The following ALPL variants were observed in gnomAD, a reference collection of about 807,000 sequenced individuals.
The protein encoded by ALPL is alkaline phosphatase, tissue-nonspecific isozyme.
A neutral mutation model predicts 51.3 loss-of-function variants in ALPL; 42 were observed. The ratio of observed to expected loss-of-function variants is 0.82; its 90% CI spans 0.64 to 1.06. ALPL has a LOEUF of 1.06. Among genes scored for constraint, ALPL ranks in the 50% least tolerant of loss-of-function variants. The pLI is 0.00. For synonymous variants in ALPL, 279 were observed against 296.4 expected, an observed-to-expected ratio of 0.94 and a Z score of 0.60; for missense variants, 589 against 709.4, an observed-to-expected ratio of 0.83 and a Z score of 1.93.
At chr1:21,531,097 G>T (rs1033029625) in intron 1 of ALPL, among the ~76,000 whole-genome samples, 3 of 151,746 alleles carry the variant, frequency 2.0e-5, no homozygotes, top group African/African-American at 7.3e-5. Context: ...GGGATTACAG[G>T]CACCCACCAC....
At chr1:21,534,991 T>G (rs1355385876) in intron 1 of ALPL, among the ~76,000 whole-genome samples, 1 of 152,198 alleles carries the variant, frequency 6.6e-6, no homozygotes, top group East Asian at 1.9e-4. Flanking sequence ...GTTCTATTGC[T>G]TTTACTTACT....
intron 1 of ALPL, among the ~76,000 whole-genome samples, chr1:21,517,493 TG>T: frequency 6.7e-6 from 1 of 148,594 alleles, no homozygotes; most frequent in South Asian, 2.1e-4. Flanking sequence ...GCAAATGACA[TG>T]GGGGTGGGAG....
chr1:21,530,777 ATTTTT>A (rs71016918), intron 1 of ALPL, among the ~76,000 whole-genome samples: 3 of 111,870 alleles, frequency 2.7e-5, no homozygotes, highest in Admixed American at 9.9e-5. Flanking sequence ...CAAGCTTTGA[ATTTTT>A]TTTTTTTTTT....
intron 1 of ALPL, among the ~76,000 whole-genome samples, chr1:21,510,920 A>C (rs1643674017): frequency 6.6e-6 from 1 of 152,222 alleles, no homozygotes; most frequent in Non-Finnish European, 1.5e-5. Context: ...AGGCCCCTGG[A>C]CACAGCTTCT....
intron 1 of ALPL, among the ~76,000 whole-genome samples, chr1:21,529,252 TTC>T (rs1389372426): frequency 6.6e-6 from 1 of 151,832 alleles, no homozygotes; most frequent in Admixed American, 6.6e-5. Context: ...TCTTTCAATG[TTC>T]TGTTTCTTTT....
At chr1:21,538,851 G>A (rs1333695738) in intron 1 of ALPL, among the ~76,000 whole-genome samples, 1 of 152,208 alleles carries the variant, frequency 6.6e-6, no homozygotes, top group African/African-American at 2.4e-5. Context: ...ACCGTGCAAA[G>A]ATCAGAAGAG....
intron 6 of ALPL, among the ~76,000 whole-genome samples, chr1:21,565,926 C>T (rs553269300): frequency 2.6e-5 from 4 of 152,188 alleles, no homozygotes; most frequent in East Asian, 1.9e-4. Flanking sequence ...TTAATGAGCC[C>T]GTGTGAAGTC....
At chr1:21,553,019 C>G (rs1644353139) in intron 1 of ALPL, among the ~76,000 whole-genome samples, 2 of 151,994 alleles carry the variant, frequency 1.3e-5, no homozygotes, top group Admixed American at 1.3e-4. Flanking sequence ...AGTGTAAAAA[C>G]ATTCTTATGC....
chr1:21,550,725 G>A (rs1240236678), intron 1 of ALPL, among the ~76,000 whole-genome samples: 1 of 152,068 alleles, frequency 6.6e-6, no homozygotes, highest in Non-Finnish European at 1.5e-5. Context: ...TGGAGCCTCC[G>A]TTCTGTCTCC....
chr1:21,539,173 G>A (rs1644148594), intron 1 of ALPL, among the ~76,000 whole-genome samples: 2 of 152,118 alleles, frequency 1.3e-5, no homozygotes, highest in Admixed American at 6.6e-5. Flanking sequence ...ACATCCCCAA[G>A]TAAGGCTGAA....
chr1:21,542,409 G>T (rs891741007), intron 1 of ALPL, among the ~76,000 whole-genome samples: 3 of 152,212 alleles, frequency 2.0e-5, no homozygotes, highest in Non-Finnish European at 1.5e-5. Flanking sequence ...GCTGAGAGAT[G>T]CAGGGTCTGC....
intron 2 of ALPL, among the ~76,000 whole-genome samples, chr1:21,554,779 C>A: frequency 6.7e-6 from 1 of 149,684 alleles, no homozygotes; most frequent in African/African-American, 2.5e-5. Context: ...CGTGAGCCAC[C>A]GCGCCTGGCC....
At chr1:21,540,463 G>T (rs767385400) in intron 1 of ALPL, among the ~76,000 whole-genome samples, 5 of 152,146 alleles carry the variant, frequency 3.3e-5, no homozygotes, top group Non-Finnish European at 7.4e-5. Context: ...TCTGATTCCA[G>T]CTCTGCTGTG....
At chr1:21,527,973 C>T (rs1643970696) in intron 1 of ALPL, among the ~76,000 whole-genome samples, 1 of 151,066 alleles carries the variant, frequency 6.6e-6, no homozygotes, top group South Asian at 2.1e-4. Flanking sequence ...TTTGCTAAAC[C>T]TTTAGGATGT....
intron 10 of ALPL, 55 bp from the exon 11 acceptor site, chr1:21,576,467 G>T: frequency 6.2e-7 from 1 of 1,601,974 alleles, no homozygotes; most frequent in South Asian, 1.1e-5. Flanking sequence ...CTGGGGGCTG[G>T]GGACTGTACT....
In ALPL at chr1:21,564,011, A is replaced by G; in HGVS notation, c.473-30A>G. The G allele has an allele frequency of 1.2e-6, 2 of 1,611,296 alleles. No homozygotes were observed. The highest frequency in any genetic ancestry group is 1.7e-6 in the Non-Finnish European group (2 of 1,179,830). On this transcript the variant is annotated intron_variant, in intron 5 of 11. Coordinates refer to ENST00000374840, the MANE Select transcript of ALPL (RefSeq NM_000478.6). This position sits in a 1 kb window ranked among gnomAD's most constrained non-coding sequence, Gnocchi z 5.8. Reference sequence around the variant, plus strand: ...CTCTGGGACACCCCGATCTGTGGATAAAGCCAAACCCGCCCCTCCTGCACC... The same window carrying G: ...CTCTGGGACACCCCGATCTGTGGATGAAGCCAAACCCGCCCCTCCTGCACC...
intron 2 of ALPL, among the ~76,000 whole-genome samples, chr1:21,557,043 C>A (rs1301386343): frequency 6.6e-6 from 1 of 152,194 alleles, no homozygotes; most frequent in Non-Finnish European, 1.5e-5. Context: ...TTTAGATTCC[C>A]TCATCAATGC....
intron 9 of ALPL, 129 bp downstream of exon 9, chr1:21,573,928 G>C (rs1644689965): frequency 6.7e-7 from 1 of 1,501,634 alleles, no homozygotes; most frequent in African/African-American, 1.4e-5. Flanking sequence ...TAGGAGAATA[G>C]GTTGTGGAAG....
intron 1 of ALPL, among the ~76,000 whole-genome samples, chr1:21,548,479 C>T (rs1393876245): frequency 2.0e-5 from 3 of 152,182 alleles, no homozygotes; most frequent in Non-Finnish European, 4.4e-5. Context: ...TGCAAGGGCT[C>T]GGGATGCAGA....
Sources: gnomAD v4.1 joint callset for allele counts (sites outside exome capture counted in the v4.1 genomes callset) on GRCh38, gnomAD v4.1.1 for gene constraint, Gnocchi (gnomAD v3.1) non-coding constraint, MANE v1.5 for transcripts, NCBI Gene and HGNC (gene_info 2026-07-23, HGNC 2026-07-21) for gene names.